The following CEP44 variants were observed in gnomAD, a reference collection of about 807,000 sequenced individuals.
CEP44 encodes the protein centrosomal protein of 44 kDa.
Under a neutral mutation model 46.7 loss-of-function variants are expected in CEP44, and 45 were observed. The observed-to-expected ratio is 0.96, with a 90% CI of 0.76 to 1.24. The LOEUF is 1.24. Among genes scored for constraint, CEP44 ranks in the 50% most tolerant of loss-of-function variants. CEP44 has a pLI of 0.00. For missense variants in CEP44, 475 were observed against 459.7 expected, an observed-to-expected ratio of 1.03 and a Z score of -0.30; for synonymous variants, 142 against 146.0, an observed-to-expected ratio of 0.97 and a Z score of 0.20.
rs764771574 is a variant in CEP44, at chr4:174,316,253, C to G, written c.1049C>G (p.Ser350Cys). 6.2e-7 allele frequency: 1 copy of G among 1,611,612 alleles called. No individual in the cohort carries two copies. Among genetic ancestry groups the G allele is most frequent in the Non-Finnish European group, 8.5e-7 (1 of 1,177,756 alleles). ...TCATCAGATTCAACTCCCAGAGCCTCTACTGTTAATTACTGTGGTTTGAAT... is the reference window on the plus strand; with the variant it reads ...TCATCAGATTCAACTCCCAGAGCCTGTACTGTTAATTACTGTGGTTTGAAT... The part of the protein sequence containing the change: ...TASSDSTPRA[S>C]TVNYCGLNEI... Residue 350 changes from serine (S) to cysteine (C), a missense_variant, in exon 10 of 12, where the codon TCT becomes TGT. Physicochemically the swap from Ser to Cys is moderately radical, Grantham distance 112. Coordinates refer to ENST00000503780, the MANE Select transcript of CEP44 (RefSeq NM_001040157.3).
chr4:174,311,601 T>C lies in CEP44; in HGVS notation c.961+743T>C, dbSNP rs1741089082. ...ATATGTGTAACAATAAAATAATATA[T>C]ATTCTAGCACTAACAGTGTGCCTGG... On this transcript the variant is annotated intron_variant, in intron 9 of 11. Coordinates refer to ENST00000503780, the MANE Select transcript of CEP44 (RefSeq NM_001040157.3). This position sits in a 1 kb window ranked among gnomAD's most constrained non-coding sequence, Gnocchi z 4.4. Among the ~76,000 whole-genome samples, 2 of 152,132 alleles carry C rather than the reference T, an allele frequency of 1.3e-5. No homozygotes were observed. Among genetic ancestry groups the C allele is most frequent in the African/African-American group, 4.8e-5 (2 of 41,450 alleles).
chr4:174,291,871 A>G (rs1179931780), intron 1 of CEP44, among the ~76,000 whole-genome samples: 1 of 134,562 alleles, frequency 7.4e-6, no homozygotes, highest in African/African-American at 2.8e-5. Context: ...GCTCATTGCA[A>G]CCTCAACCTC....
At chr4:174,295,593 G>A (rs561385661) in intron 1 of CEP44, among the ~76,000 whole-genome samples, 102 of 151,918 alleles carry the variant, frequency 6.7e-4, no homozygotes, top group South Asian at 2.1e-3. Context: ...GGTGGCGGCC[G>A]GGCAGAGGCT....
Position 174,320,137 on chromosome 4 carries a change from T to C in CEP44, c.*2754T>C. On this transcript the variant is annotated 3_prime_UTR_variant, in exon 12 of 12. Coordinates refer to ENST00000503780, the MANE Select transcript of CEP44 (RefSeq NM_001040157.3). Reference sequence around the variant, plus strand: ...CGGTAAAGATTATATGGAAATACTATAAAGAATACATAAGGTAAAATACTA... The same window carrying C: ...CGGTAAAGATTATATGGAAATACTACAAAGAATACATAAGGTAAAATACTA... 1.0e-6 allele frequency: 1 copy of C among 985,088 alleles called. No homozygotes were observed. Among genetic ancestry groups the C allele is most frequent in the Non-Finnish European group, 1.2e-6 (1 of 829,692 alleles). 61.0% of individuals were successfully genotyped at this position (985,088 alleles called of 1,614,324 possible).
chr4:174,303,885 C>CT, intron 5 of CEP44, 36 bp downstream of exon 5: 1 of 1,346,208 alleles, frequency 7.4e-7, no homozygotes, highest in South Asian at 1.5e-5. Flanking sequence ...CTGATGTATG[C>CT]TATTAATAGA....
chr4:174,308,839 G>T lies in CEP44; in HGVS notation c.658G>T (p.Glu220Ter). The change falls in exon 7 of 12, where the codon GAA becomes TAA. Residue 220 changes from glutamate (E) to a stop codon, truncating the protein, a stop_gained. Coordinates refer to ENST00000503780, the MANE Select transcript of CEP44 (RefSeq NM_001040157.3). LOFTEE classifies it high-confidence loss of function. ...EIKMPEVKVP[E>*]IKAEQQDVNV... ...AAAGATGCCTGAAGTAAAGGTTCCT[G>T]AAATCAAGGCTGAGCAACAGGTAAC... 6.2e-7 allele frequency: 1 copy of T among 1,613,010 alleles called. No homozygotes were observed. Among genetic ancestry groups the T allele is most frequent in the Middle Eastern group, 1.7e-4 (1 of 6,050 alleles).
chr4:174,315,971 T>A (rs1741655769), intron 9 of CEP44, among the ~76,000 whole-genome samples, 195 bp from the exon 10 acceptor site: 2 of 152,204 alleles, frequency 1.3e-5, no homozygotes, highest in African/African-American at 4.8e-5. Context: ...TTTTGTAATT[T>A]TTATTGGGCA....
At chr4:174,300,969 G>A (rs1170123375) in intron 3 of CEP44, among the ~76,000 whole-genome samples, 2 of 151,602 alleles carry the variant, frequency 1.3e-5, no homozygotes, top group East Asian at 1.9e-4. Context: ...TTCATTTCCT[G>A]TTTTTGGACT....
Position 174,312,052 on chromosome 4 carries a change from G to T in CEP44, c.961+1194G>T, listed in dbSNP as rs2126644332. 6.6e-6 allele frequency among the ~76,000 whole-genome samples: 1 copy of T among 152,258 alleles called. No homozygotes were observed. Among genetic ancestry groups the T allele is most frequent in the South Asian group, 2.1e-4 (1 of 4,824 alleles). On this transcript the variant is annotated intron_variant, in intron 9 of 11. Transcript: ENST00000503780. This position sits in a 1 kb window ranked among gnomAD's most constrained non-coding sequence, Gnocchi z 4.5. Reference sequence around the variant, plus strand: ...GAGCAAAAACTTTATCTTATGGTCTGCCTGTCTAGCACACAGAAAGTATGT... The same window carrying T: ...GAGCAAAAACTTTATCTTATGGTCTTCCTGTCTAGCACACAGAAAGTATGT...
chr4:174,317,123 GTACTT>G (rs1295086046), intron 11 of CEP44, among the ~76,000 whole-genome samples: 2 of 152,000 alleles, frequency 1.3e-5, no homozygotes, highest in South Asian at 2.1e-4. Flanking sequence ...AATGCAAAAA[GTACTT>G]AACTTACACT....
At chr4:174,296,081 A>C (rs1579087069) in intron 1 of CEP44, among the ~76,000 whole-genome samples, 1 of 152,218 alleles carries the variant, frequency 6.6e-6, no homozygotes, top group African/African-American at 2.4e-5. Flanking sequence ...ATAGAATTCA[A>C]GATTATAAGT....
chr4:174,300,987 A>C (rs935249115), intron 3 of CEP44, among the ~76,000 whole-genome samples: 5 of 151,970 alleles, frequency 3.3e-5, no homozygotes, highest in African/African-American at 1.2e-4. Context: ...ACTGTGTTTC[A>C]GATAGACAAG....
intron 6 of CEP44, 77 bp from the exon 7 acceptor site, chr4:174,308,611 CT>C (rs2126627314): frequency 7.0e-7 from 1 of 1,431,528 alleles, no homozygotes; most frequent in South Asian, 1.4e-5. Flanking sequence ...ACATGGACCC[CT>C]GAACTTAAAA....
At chr4:174,304,128 G>C in intron 5 of CEP44, 119 bp from the exon 6 acceptor site, 2 of 1,189,062 alleles carry the variant, frequency 1.7e-6, no homozygotes, top group Middle Eastern at 2.9e-4. Flanking sequence ...AGTCTCATTA[G>C]AGTCTCATTA....
Position 174,290,361 on chromosome 4 carries a change from C to T in CEP44, c.-148+6418C>T, listed in dbSNP as rs927139383. The stretch of plus-strand genomic sequence containing the variant: ...ATTTGTGAATTTTTCCATTTTCTTT[C>T]TATTATTGATTTCTAGTTTCATTCC... On this transcript the variant is annotated intron_variant, in intron 1 of 11. Transcript: ENST00000503780. This position sits in a 1 kb window ranked among gnomAD's most constrained non-coding sequence, Gnocchi z 4.3. Among the ~76,000 whole-genome samples, 3 of 150,498 alleles carry T rather than the reference C, an allele frequency of 2.0e-5. No homozygotes were observed. Among genetic ancestry groups the T allele is most frequent in the Non-Finnish European group, 3.0e-5 (2 of 67,466 alleles).
intron 9 of CEP44, among the ~76,000 whole-genome samples, chr4:174,313,774 A>G (rs900477621): frequency 7.9e-5 from 12 of 152,150 alleles, no homozygotes; most frequent in African/African-American, 2.7e-4. Context: ...AGATACAAAA[A>G]GGGTGAAGGA....
chr4:174,299,522 TTC>T (rs1231856711), intron 3 of CEP44, among the ~76,000 whole-genome samples: 1 of 152,232 alleles, frequency 6.6e-6, no homozygotes, highest in East Asian at 1.9e-4. Context: ...TAATCTACCA[TTC>T]TCTCATATTC....
At chr4:174,304,193 A>G (rs1456319366) in intron 5 of CEP44, 54 bp from the exon 6 acceptor site, 3 of 1,528,168 alleles carry the variant, frequency 2.0e-6, no homozygotes, top group Non-Finnish European at 2.6e-6. Flanking sequence ...ATTTTAATAT[A>G]TAATTATGCT....
rs17060463 is a variant in CEP44, at chr4:174,320,227, A to G, written c.*2844A>G. On this transcript the variant is annotated 3_prime_UTR_variant, in exon 12 of 12. Coordinates refer to ENST00000503780, the MANE Select transcript of CEP44 (RefSeq NM_001040157.3). The stretch of plus-strand genomic sequence containing the variant: ...AAAATTCTAGGTAAAGCTAAGTACT[A>G]TTGAGTTGGAAAAAAGTAATTCTAT... The G allele has an allele frequency of 0.012, 11,694 of 985,010 alleles. 94 individuals are homozygous for G. The highest frequency in any genetic ancestry group is 0.039 in the African/African-American group (2,225 of 57,300). The allele number at this position is 985,010 out of a possible 1,614,324, so 61.0% of individuals were successfully genotyped here.
Sources: gnomAD v4.1 joint callset for allele counts (sites outside exome capture counted in the v4.1 genomes callset) on GRCh38, gnomAD v4.1.1 for gene constraint, Gnocchi (gnomAD v3.1) non-coding constraint, MANE v1.5 for transcripts, NCBI Gene and HGNC (gene_info 2026-07-23, HGNC 2026-07-21) for gene names.